The following RP1L1 variants were observed in gnomAD, a reference collection of about 807,000 sequenced individuals.
RP1L1 encodes the protein RP1 like 1, also known as retinitis pigmentosa 1-like 1 protein.
Under a neutral mutation model 15.7 loss-of-function variants are expected in RP1L1, and 27 were observed. The ratio of observed to expected loss-of-function variants is 1.72; its 90% CI spans 1.27 to 2.38. The LOEUF (loss-of-function observed/expected upper bound fraction) is 2.38. Among genes scored for constraint, RP1L1 ranks in the 30% most tolerant of loss-of-function variants. The pLI, the probability that RP1L1 is intolerant of heterozygous loss-of-function variation, is 0.00. For synonymous variants in RP1L1, 1,813 were observed against 1,276.7 expected (o/e 1.42, Z -8.96); for missense variants, 4,798 against 3,075.9 (o/e 1.56, Z -13.24).
chr8:10,620,151 A>G (rs767825363), intron 2 of RP1L1, among the ~76,000 whole-genome samples: 5 of 152,128 alleles, frequency 3.3e-5, no homozygotes, highest in Non-Finnish European at 7.4e-5. Flanking sequence ...CCATCCCAGC[A>G]GTTTTGGTGT....
intron 1 of RP1L1, among the ~76,000 whole-genome samples, chr8:10,643,809 G>A (rs903581339): frequency 1.3e-5 from 2 of 152,014 alleles, no homozygotes; most frequent in African/African-American, 2.4e-5. Flanking sequence ...GTGGTGGTGC[G>A]GGGCAGAGCA....
chr8:10,609,467 C>A lies in RP1L1; in HGVS notation c.4631G>T (p.Arg1544Leu), dbSNP rs371249670. ...LASAVAELRA[R>L]WGLQDNDLLD... The stretch of plus-strand genomic sequence containing the variant: ...CAGATCATTGTCCTGCAGGCCCCAG[C>A]GTGCTCGGAGCTCAGCCACCGCACT... The change falls in exon 4 of 4, where the codon CGC becomes CTC. Residue 1544 changes from arginine to leucine, a missense_variant. Coordinates refer to ENST00000382483, the MANE Select transcript of RP1L1 (RefSeq NM_178857.6). The A allele has an allele frequency of 3.7e-6, 6 of 1,612,056 alleles. No individual in the cohort carries two copies. Among genetic ancestry groups the A allele is most frequent in the African/African-American group, 2.7e-5 (2 of 74,932 alleles).
At chr8:10,628,045 A>G (rs1251578641) in intron 1 of RP1L1, among the ~76,000 whole-genome samples, 1 of 152,222 alleles carries the variant, frequency 6.6e-6, no homozygotes, top group Non-Finnish European at 1.5e-5. Context: ...GACAGCACCA[A>G]GGTCCTCACT....
rs772563001 is a variant in RP1L1, at chr8:10,609,595, C to G, written c.4503G>C (p.Glu1501Asp). The G allele has an allele frequency of 2.5e-6, 4 of 1,605,658 alleles. No homozygotes were observed. In the African/African-American group the frequency reaches 4.0e-5, roughly 16 times the overall value. ...CGCTGCAGGCCACCGAAGAGCTCCT[C>G]TCTGCAGCCCCCTGGGTGGGTTGGG... ...TQAQPTQGAA[E>D]RSSSVACSAA... Residue 1501 changes from glutamate (E) to aspartate (D), a missense_variant, in exon 4 of 4, where the codon GAG (glutamate) becomes GAC (aspartate). Physicochemically the swap from Glu to Asp is conservative, Grantham distance 45 (BLOSUM62 2). Transcript: ENST00000382483.
intron 1 of RP1L1, among the ~76,000 whole-genome samples, chr8:10,644,037 G>A (rs1798442117): frequency 6.6e-6 from 1 of 152,044 alleles, no homozygotes; most frequent in Non-Finnish European, 1.5e-5. Context: ...GTATTGCCCG[G>A]GAGTGGTTTG....
intron 2 of RP1L1, chr8:10,621,523 G>A (rs545180210): frequency 4.1e-5 from 14 of 345,000 alleles, no homozygotes; most frequent in South Asian, 2.4e-4. Flanking sequence ...ATAGGGTTTC[G>A]CCCTATTGGC....
chr8:10,623,290 C>A, intron 1 of RP1L1, 70 bp from the exon 2 acceptor site: 4 of 1,172,474 alleles, frequency 3.4e-6, no homozygotes, highest in Non-Finnish European at 4.7e-6. Flanking sequence ...CTCTTCCCGT[C>A]TTTCTAGAGG....
chr8:10,634,880 C>T (rs1050335890), intron 1 of RP1L1, among the ~76,000 whole-genome samples: 3 of 152,158 alleles, frequency 2.0e-5, no homozygotes, highest in Non-Finnish European at 2.9e-5. Context: ...CAAGGGACAC[C>T]AAGGGTCCTT....
chr8:10,626,452 G>C (rs1302463189), intron 1 of RP1L1, among the ~76,000 whole-genome samples: 2 of 152,174 alleles, frequency 1.3e-5, no homozygotes, highest in Admixed American at 6.5e-5. Flanking sequence ...CCCCCGGAGA[G>C]AACAAGAGCT....
At chr8:10,630,608 A>C (rs1051539807) in intron 1 of RP1L1, among the ~76,000 whole-genome samples, 1 of 152,100 alleles carries the variant, frequency 6.6e-6, no homozygotes, top group Non-Finnish European at 1.5e-5. Context: ...GGAGCTTTGC[A>C]CCTCCCGGCA....
At position 10,610,118 on chromosome 8, in the gene RP1L1, G is replaced by GCACCCCCTC. The variant is rs1797810991; in HGVS notation, c.3979_3980insGAGGGGGTG (p.Thr1327delinsArgGlyGlyAla). The GCACCCCCTC allele has an allele frequency of 1.0e-6, 1 of 984,430 alleles. No homozygotes were observed. The highest frequency in any genetic ancestry group is 2.7e-5 in the African/African-American group (1 of 36,766). The allele number at this position is 984,430 out of a possible 1,614,324, so 61.0% of individuals were successfully genotyped here. On this transcript the variant is annotated protein_altering_variant, in exon 4 of 4. Transcript: ENST00000382483. ...CCCCTCTTCTTGCAGCCCTTCTTCT[G>GCACCCCCTC]TTTTAGTTTCCTCTAACTGCACCGC... is the stretch of plus-strand genomic sequence containing the variant.
intron 1 of RP1L1, among the ~76,000 whole-genome samples, chr8:10,645,402 A>T (rs1003422027): frequency 3.9e-5 from 6 of 152,168 alleles, no homozygotes; most frequent in Non-Finnish European, 7.3e-5. Context: ...ACATAAGGAA[A>T]AGGTAAAAAT....
At chr8:10,629,841 TTGAC>T (rs143488213) in intron 1 of RP1L1, among the ~76,000 whole-genome samples, 10,843 of 152,114 alleles carry the variant, frequency 0.071, 527 homozygotes, top group Non-Finnish European at 0.11. Flanking sequence ...GCCCTGGAGT[TTGAC>T]TGAGATCCCA....
intron 1 of RP1L1, among the ~76,000 whole-genome samples, chr8:10,631,362 A>AACACATGCATTC (rs1798246228): frequency 2.2e-5 from 1 of 46,110 alleles, no homozygotes; most frequent in Non-Finnish European, 4.4e-5. Context: ...CATGCACACA[A>AACACATGCATTC]ACACACATGC....
Position 10,608,040 on chromosome 8 carries a change from A to C in RP1L1, c.6058T>G (p.Ser2020Ala), listed in dbSNP as rs1797743231. 6.3e-7 allele frequency: 1 copy of C among 1,579,196 alleles called. No individual in the cohort carries two copies. Residue 2020 changes from serine to alanine, a missense_variant, in exon 4 of 4, where the codon TCA becomes GCA. Physicochemically the swap from Ser to Ala is moderately conservative, Grantham distance 99. Coordinates refer to ENST00000382483, the MANE Select transcript of RP1L1 (RefSeq NM_178857.6). Reference protein sequence around the residue: ...QEAEEEAQPESDGVEAQPKSE... With the variant: ...QEAEEEAQPEADGVEAQPKSE... ...TTTGGCTGGGCCTCTACACCGTCTGACTCTGGCTGGGCCTCCTCTTCTGCC... is the reference window on the plus strand; with the variant it reads ...TTTGGCTGGGCCTCTACACCGTCTGCCTCTGGCTGGGCCTCCTCTTCTGCC...
At chr8:10,639,963 T>A (rs1798384005) in intron 1 of RP1L1, among the ~76,000 whole-genome samples, 1 of 152,252 alleles carries the variant, frequency 6.6e-6, no homozygotes. Flanking sequence ...TTTAATACGA[T>A]ATATGCAATC....
In RP1L1 at chr8:10,610,078, T is replaced by A; in HGVS notation, c.4020A>T (p.Glu1340Asp). ...GTCCTTCTCCTTCTGTTTCTTTAGT[T>A]TCCTCTAACTGCACCCCCTCTTCTT... Reference protein sequence around the residue: ...GLQEEGVQLEETKETEGEGQQ... With the variant: ...GLQEEGVQLEDTKETEGEGQQ... The change falls in exon 4 of 4, where the codon GAA becomes GAT. Residue 1340 changes from glutamate to aspartate, a missense_variant. Physicochemically the swap from Glu to Asp is conservative, Grantham distance 45. Transcript: ENST00000382483. The A allele has an allele frequency of 1.9e-6, 2 of 1,048,926 alleles. No individual in the cohort carries two copies. Among genetic ancestry groups the A allele is most frequent in the Non-Finnish European group, 1.3e-6 (1 of 762,940 alleles). The allele number at this position is 1,048,926 out of a possible 1,614,324, so 65.0% of individuals were successfully genotyped here. A position where few individuals can be genotyped will look rare whatever the true frequency, so the allele number is the denominator to read the frequency against.
At chr8:10,648,098 C>G (rs1457360994) in intron 1 of RP1L1, among the ~76,000 whole-genome samples, 1 of 151,918 alleles carries the variant, frequency 6.6e-6, no homozygotes, top group East Asian at 1.9e-4. Context: ...GTGGCGCCAT[C>G]TCGGCTCACT....
chr8:10,640,426 G>A (rs181763277), intron 1 of RP1L1, among the ~76,000 whole-genome samples: 1 of 152,288 alleles, frequency 6.6e-6, no homozygotes, highest in Non-Finnish European at 1.5e-5. Context: ...CTGGGAGGCT[G>A]AGGAAGGCAG....
Sources: gnomAD v4.1 joint callset for allele counts (sites outside exome capture counted in the v4.1 genomes callset) on GRCh38, gnomAD v4.1.1 for gene constraint, MANE v1.5 for transcripts, NCBI Gene and HGNC (gene_info 2026-07-23, HGNC 2026-07-21) for gene names.